PTPRG: variants seen among roughly 807,000 people sequenced by gnomAD.
PTPRG encodes the protein receptor-type tyrosine-protein phosphatase gamma.
PTPRG carries 102 observed loss-of-function variants against 165.3 expected under a neutral mutation model. The observed-to-expected ratio is 0.62, with a 90% CI of 0.53 to 0.73. The LOEUF (loss-of-function observed/expected upper bound fraction) is 0.73. Among genes scored for constraint, PTPRG ranks in the 30% least tolerant of loss-of-function variants. The pLI is 0.00. For missense variants in PTPRG, 1,866 were observed against 1,861.4 expected, an observed-to-expected ratio of 1.00 and a Z score of -0.05; for synonymous variants, 675 against 669.5, an observed-to-expected ratio of 1.01 and a Z score of -0.13.
At chr3:62,106,591 C>G (rs941606648) in intron 5 of PTPRG, among the ~76,000 whole-genome samples, 2 of 151,364 alleles carry the variant, frequency 1.3e-5, no homozygotes, top group African/African-American at 4.9e-5. Flanking sequence ...GCCTTGACAT[C>G]CCCCAGGTTC....
Position 61,817,044 on chromosome 3 carries a change from TA to T in PTPRG, c.190+68064del, listed in dbSNP as rs556998952. On this transcript the variant is annotated intron_variant, in intron 2 of 29. Transcript: ENST00000474889. ...TATATAATATATAGTATATAATATA[TA>T]ATATTATATATAATATATAATACAT... Among the ~76,000 whole-genome samples, 292 of 131,798 alleles carry T rather than the reference TA, an allele frequency of 2.2e-3. 2 individuals are homozygous for T. In the East Asian group the frequency reaches 0.048, roughly 21 times the overall value. The allele number at this position is 131,798 out of a possible 152,430, so 86.5% of individuals were successfully genotyped here. A position where few individuals can be genotyped will look rare whatever the true frequency, so the allele number is the denominator to read the frequency against.
At chr3:61,702,576 C>G (rs1217340812) in intron 1 of PTPRG, among the ~76,000 whole-genome samples, 1 of 152,202 alleles carries the variant, frequency 6.6e-6, no homozygotes, top group Non-Finnish European at 1.5e-5. Context: ...AAGTATGTGG[C>G]TCAGTGTGTT....
intron 1 of PTPRG, among the ~76,000 whole-genome samples, chr3:61,626,739 G>A (rs1037134435): frequency 3.9e-5 from 6 of 152,188 alleles, no homozygotes; most frequent in East Asian, 1.9e-4. Context: ...AAGGCTGGTG[G>A]GGGAGAAGGC....
intron 1 of PTPRG, among the ~76,000 whole-genome samples, chr3:61,649,610 C>T (rs1187413343): frequency 6.6e-6 from 1 of 152,186 alleles, no homozygotes; most frequent in Non-Finnish European, 1.5e-5. Flanking sequence ...ATTCTTAATA[C>T]CATCACATTG....
chr3:61,929,943 A>C (rs2039317655), intron 2 of PTPRG, among the ~76,000 whole-genome samples: 1 of 152,216 alleles, frequency 6.6e-6, no homozygotes, highest in Non-Finnish European at 1.5e-5. Context: ...TCAGTAATGA[A>C]ATATCTTGTT....
At chr3:61,821,803 G>A (rs562890992) in intron 2 of PTPRG, among the ~76,000 whole-genome samples, 2 of 152,164 alleles carry the variant, frequency 1.3e-5, no homozygotes, top group African/African-American at 2.4e-5. Context: ...CATGCTAAGC[G>A]CTTTACTAGT....
intron 2 of PTPRG, among the ~76,000 whole-genome samples, chr3:61,782,082 C>A (rs1464755638): frequency 6.6e-6 from 1 of 152,096 alleles, no homozygotes; most frequent in African/African-American, 2.4e-5. Flanking sequence ...TGGGTATAAT[C>A]CCCAGATCTA....
chr3:61,728,312 T>C (rs1040500197), intron 1 of PTPRG, among the ~76,000 whole-genome samples: 3 of 152,182 alleles, frequency 2.0e-5, no homozygotes, highest in African/African-American at 7.2e-5. Context: ...CTATGCATGG[T>C]GGTGCACATT....
intron 2 of PTPRG, among the ~76,000 whole-genome samples, chr3:61,940,727 G>C (rs2039603264): frequency 6.6e-6 from 1 of 150,924 alleles, no homozygotes; most frequent in South Asian, 2.1e-4. Context: ...GCAGTGGCGC[G>C]ATCTTGGCTC....
chr3:62,036,132 T>C (rs1699929390), intron 4 of PTPRG, among the ~76,000 whole-genome samples: 1 of 151,650 alleles, frequency 6.6e-6, no homozygotes, highest in Non-Finnish European at 1.5e-5. Context: ...TAATTGCATA[T>C]GTTAGAAGGT....
At chr3:61,865,684 G>A (rs2037386978) in intron 2 of PTPRG, among the ~76,000 whole-genome samples, 1 of 152,168 alleles carries the variant, frequency 6.6e-6, no homozygotes, top group African/African-American at 2.4e-5. Context: ...GAGCATGACA[G>A]AGCCCCTTTG....
chr3:61,921,030 C>T (rs2039064692), intron 2 of PTPRG, among the ~76,000 whole-genome samples: 1 of 151,918 alleles, frequency 6.6e-6, no homozygotes, highest in African/African-American at 2.4e-5. Context: ...CTCAGCAAAC[C>T]GTGAGGGTCT....
intron 5 of PTPRG, among the ~76,000 whole-genome samples, chr3:62,129,526 C>T (rs557761031): frequency 1.2e-4 from 19 of 152,140 alleles, no homozygotes; most frequent in South Asian, 6.2e-4. Flanking sequence ...CATGGCAACG[C>T]GTATCACATG....
At chr3:61,854,204 T>TA (rs1465718675) in intron 2 of PTPRG, among the ~76,000 whole-genome samples, 1 of 152,184 alleles carries the variant, frequency 6.6e-6, no homozygotes, top group Non-Finnish European at 1.5e-5. Context: ...CCTGAATAGT[T>TA]ACGTGAGACA....
chr3:61,907,752 T>C (rs1026520748), intron 2 of PTPRG, among the ~76,000 whole-genome samples: 1 of 152,100 alleles, frequency 6.6e-6, no homozygotes, highest in African/African-American at 2.4e-5. Flanking sequence ...TCTTTCTCAA[T>C]TGTGGTAAAG....
intron 2 of PTPRG, among the ~76,000 whole-genome samples, chr3:61,944,570 C>T (rs1225044992): frequency 6.6e-6 from 1 of 152,190 alleles, no homozygotes; most frequent in Admixed American, 6.5e-5. Flanking sequence ...CCCCTTTTCA[C>T]AGGGCCAGAC....
At position 62,001,651 on chromosome 3, in the gene PTPRG, T is replaced by C. The variant is rs534142736; in HGVS notation, c.371-1698T>C. ...ATTTTAGATATTATCTTCTAAGATA[T>C]TATATTTTAAGGGTCACACAATGAT... On this transcript the variant is annotated intron_variant, in intron 3 of 29. Transcript: ENST00000474889. Among the ~76,000 whole-genome samples the C allele has an allele frequency of 4.6e-5, 7 of 151,990 alleles. No homozygotes were observed. In the East Asian group the frequency reaches 1.2e-3, roughly 25 times the overall value.
At chr3:62,032,825 G>C (rs888990064) in intron 4 of PTPRG, among the ~76,000 whole-genome samples, 1 of 152,134 alleles carries the variant, frequency 6.6e-6, no homozygotes, top group Non-Finnish European at 1.5e-5. Flanking sequence ...ATGTGTAAGA[G>C]ACTTAAAGAG....
chr3:62,046,215 A>T (rs767733619), intron 4 of PTPRG, among the ~76,000 whole-genome samples: 1 of 152,170 alleles, frequency 6.6e-6, no homozygotes, highest in Admixed American at 6.5e-5. Flanking sequence ...CTGAAATGGC[A>T]TGATGTTGAT....
Sources: allele counts gnomAD v4.1 joint callset (sites outside exome capture counted in the v4.1 genomes callset), GRCh38; gene constraint gnomAD v4.1.1; transcripts MANE v1.5; gene names NCBI Gene and HGNC (gene_info 2026-07-23, HGNC 2026-07-21).